Variants in EIF4E observed in about 807,000 individuals in gnomAD.
EIF4E encodes eIF-4F 25 kDa subunit.
For synonymous variants in EIF4E, 71 were observed against 88.5 expected, an observed-to-expected ratio of 0.80 and a Z score of 1.11; for missense variants, 113 against 265.6, an observed-to-expected ratio of 0.43 and a Z score of 3.99.
intron 1 of EIF4E, among the ~76,000 whole-genome samples, chr4:98,919,321 A>G (rs1042075347): frequency 6.8e-6 from 1 of 148,002 alleles, no homozygotes; most frequent in Non-Finnish European, 1.5e-5. Flanking sequence ...AAACAGAAAC[A>G]AAAAGACTAG....
intron 1 of EIF4E, among the ~76,000 whole-genome samples, chr4:98,923,909 G>A (rs140514075): frequency 2.1e-3 from 320 of 152,196 alleles, no homozygotes; most frequent in African/African-American, 7.4e-3. Context: ...TGAAATCACC[G>A]TAATATATCT....
chr4:98,927,598 T>TGAGCC (rs1725931736), intron 1 of EIF4E, among the ~76,000 whole-genome samples: 1 of 127,026 alleles, frequency 7.9e-6, no homozygotes, highest in Non-Finnish European at 1.6e-5. Flanking sequence ...GAGGTTGCAG[T>TGAGCC]GAGCCGAGAT....
At chr4:98,882,069 T>C (rs2110172820) in intron 6 of EIF4E, among the ~76,000 whole-genome samples, 1 of 152,246 alleles carries the variant, frequency 6.6e-6, no homozygotes, top group East Asian at 1.9e-4. Context: ...CAGAGGAAGA[T>C]CACAGAGAGC....
intron 3 of EIF4E, among the ~76,000 whole-genome samples, chr4:98,890,142 GC>G (rs1373007314): frequency 1.3e-5 from 2 of 152,058 alleles, no homozygotes; most frequent in Non-Finnish European, 2.9e-5. Flanking sequence ...TCTATTAGAA[GC>G]CAAGCACTGG....
chr4:98,910,977 G>A (rs1482128607), intron 1 of EIF4E, among the ~76,000 whole-genome samples: 3 of 151,636 alleles, frequency 2.0e-5, no homozygotes, highest in Non-Finnish European at 4.4e-5. Context: ...CAAGTGATCC[G>A]CCCACCTTGG....
At chr4:98,907,986 C>G (rs1178212359) in intron 1 of EIF4E, among the ~76,000 whole-genome samples, 4 of 152,100 alleles carry the variant, frequency 2.6e-5, no homozygotes, top group Admixed American at 1.3e-4. Flanking sequence ...TGGAGAAGTT[C>G]CAGTCCTTTA....
chr4:98,910,297 A>G (rs1173945599), intron 1 of EIF4E, among the ~76,000 whole-genome samples: 1 of 152,188 alleles, frequency 6.6e-6, no homozygotes. Flanking sequence ...CAACATTAAA[A>G]CACTGCTCAC....
intron 5 of EIF4E, among the ~76,000 whole-genome samples, 199 bp from the exon 6 acceptor site, chr4:98,885,260 C>G (rs537630770): frequency 6.6e-6 from 1 of 152,152 alleles, no homozygotes; most frequent in Non-Finnish European, 1.5e-5. Flanking sequence ...ATCAAATCAG[C>G]CTTTTTCAGC....
At chr4:98,891,440 G>C (rs1428079825) in intron 2 of EIF4E, 108 bp from the exon 3 acceptor site, 4 of 907,484 alleles carry the variant, frequency 4.4e-6, no homozygotes, top group African/African-American at 1.7e-5. Flanking sequence ...TCCATCAACA[G>C]ATGAATGAAA....
chr4:98,919,113 C>T (rs1292518393), intron 1 of EIF4E, among the ~76,000 whole-genome samples: 1 of 152,060 alleles, frequency 6.6e-6, no homozygotes, highest in East Asian at 1.9e-4. Flanking sequence ...TCAAGACCAT[C>T]CTAGCCAACG....
intron 2 of EIF4E, among the ~76,000 whole-genome samples, chr4:98,895,856 G>A (rs1184215780): frequency 6.6e-6 from 1 of 151,700 alleles, no homozygotes; most frequent in Non-Finnish European, 1.5e-5. Context: ...CTCAAGACTA[G>A]CCTGGACAAC....
chr4:98,898,861 T>C (rs1466538246), intron 2 of EIF4E, among the ~76,000 whole-genome samples: 7 of 152,014 alleles, frequency 4.6e-5, no homozygotes, highest in Admixed American at 2.6e-4. Flanking sequence ...TGTAAAGGAA[T>C]TGTGAGACCA....
intron 6 of EIF4E, 59 bp from the exon 7 acceptor site, chr4:98,881,201 ATACAT>A: frequency 6.4e-7 from 1 of 1,572,948 alleles, no homozygotes; most frequent in Non-Finnish European, 8.6e-7. Context: ...CTCACAAGAA[ATACAT>A]TTAAAAATTT....
At position 98,929,088 on chromosome 4, in the gene EIF4E, T is replaced by C. The variant is rs759860491; in HGVS notation, c.18+7A>G. 5.1e-6 allele frequency: 8 copies of C among 1,583,266 alleles called. No individual in the cohort carries two copies. The highest frequency in any genetic ancestry group is 6.9e-6 in the Non-Finnish European group (8 of 1,164,586). On this transcript the variant is annotated splice_region_variant and intron_variant, in intron 1 of 6. Transcript: ENST00000450253. ...CCGTGGGGGTGGGGGCCAAAGGCAATACTCACCGGTTCGACAGTCGCCATC... is the reference window on the plus strand; with the variant it reads ...CCGTGGGGGTGGGGGCCAAAGGCAACACTCACCGGTTCGACAGTCGCCATC...
chr4:98,893,212 CT>C (rs1724233572), intron 2 of EIF4E, among the ~76,000 whole-genome samples: 1 of 152,182 alleles, frequency 6.6e-6, no homozygotes. Context: ...TCATCTGAGC[CT>C]ACAAAGAGTG....
At chr4:98,915,637 T>C (rs180687401) in intron 1 of EIF4E, among the ~76,000 whole-genome samples, 1 of 150,990 alleles carries the variant, frequency 6.6e-6, no homozygotes, top group Non-Finnish European at 1.5e-5. Context: ...ACTTCCCAGG[T>C]TCAAGCAATT....
intron 1 of EIF4E, among the ~76,000 whole-genome samples, chr4:98,920,428 G>A (rs1725592955): frequency 6.6e-6 from 1 of 151,872 alleles, no homozygotes; most frequent in African/African-American, 2.4e-5. Flanking sequence ...AGCCTTAGCT[G>A]GGACTACAGG....
chr4:98,924,954 C>T (rs942644710), intron 1 of EIF4E, among the ~76,000 whole-genome samples: 4 of 152,082 alleles, frequency 2.6e-5, no homozygotes, highest in African/African-American at 7.2e-5. Flanking sequence ...GCCAAATTTA[C>T]GTGGATTATC....
chr4:98,908,556 T>C (rs1294246385), intron 1 of EIF4E, among the ~76,000 whole-genome samples: 1 of 152,184 alleles, frequency 6.6e-6, no homozygotes, highest in Non-Finnish European at 1.5e-5. Flanking sequence ...AGTCACTATA[T>C]TAAATAAAGG....
Sources: gnomAD v4.1 joint callset for allele counts (sites outside exome capture counted in the v4.1 genomes callset) on GRCh38, gnomAD v4.1.1 for gene constraint, MANE v1.5 for transcripts, NCBI Gene and HGNC (gene_info 2026-07-23, HGNC 2026-07-21) for gene names.